The following ZBTB20 variants were observed in gnomAD, a reference collection of about 807,000 sequenced individuals.
The protein encoded by ZBTB20 is zinc finger and BTB domain-containing protein 20.
In ZBTB20, 9 loss-of-function variants were observed where a neutral mutation model predicts 56.9. The ratio of observed to expected loss-of-function variants is 0.16; its 90% CI spans 0.10 to 0.28. The LOEUF (loss-of-function observed/expected upper bound fraction) is 0.28, where lower values mean the gene tolerates loss of function less well. ZBTB20 is among the 10% of genes least tolerant of loss of function. The pLI, the probability that ZBTB20 is intolerant of heterozygous loss-of-function variation, is 1.00. For synonymous variants in ZBTB20, 417 were observed against 420.7 expected (o/e 0.99, Z 0.11); for missense variants, 655 against 1,003.0 (o/e 0.65, Z 4.69).
At chr3:114,853,899 T>A (rs554767632) in intron 4 of ZBTB20, among the ~76,000 whole-genome samples, 1 of 152,312 alleles carries the variant, frequency 6.6e-6, no homozygotes, top group Admixed American at 6.5e-5. Context: ...TTGTTTTCTA[T>A]AATAGAAGAG....
intron 2 of ZBTB20, among the ~76,000 whole-genome samples, chr3:115,026,528 A>G (rs1281221621): frequency 6.6e-6 from 1 of 150,890 alleles, no homozygotes; most frequent in Non-Finnish European, 1.5e-5. Context: ...TCACTTACGT[A>G]TCTACCAACC....
At chr3:114,619,706 C>T (rs139379122) in intron 6 of ZBTB20, among the ~76,000 whole-genome samples, 14 of 152,242 alleles carry the variant, frequency 9.2e-5, no homozygotes, top group African/African-American at 3.4e-4. Flanking sequence ...TAAGTGATTC[C>T]ACCTATTTCT....
chr3:114,590,469 A>C lies in ZBTB20; in HGVS notation c.-294-90078T>G, dbSNP rs1687773146. On this transcript the variant is annotated intron_variant, in intron 6 of 11. Coordinates refer to ENST00000675478, the MANE Select transcript of ZBTB20 (RefSeq NM_001348800.3). ...CTGAGACTCCGTCTCAAAAAATAAAAATAAATAAATAAATTTATTTATTAA... is the reference window on the plus strand; with the variant it reads ...CTGAGACTCCGTCTCAAAAAATAAACATAAATAAATAAATTTATTTATTAA... Among the ~76,000 whole-genome samples, 4 of 149,618 alleles carry C rather than the reference A, an allele frequency of 2.7e-5. No homozygotes were observed. In the South Asian group the frequency reaches 8.4e-4, roughly 31 times the overall value.
Position 114,909,351 on chromosome 3 carries a change from G to A in ZBTB20, c.-455-9009C>T, listed in dbSNP as rs567941022. 3.9e-5 allele frequency among the ~76,000 whole-genome samples: 6 copies of A among 152,118 alleles called. No homozygotes were observed. In the South Asian group the frequency reaches 1.2e-3, roughly 32 times the overall value. On this transcript the variant is annotated intron_variant, in intron 3 of 11. Coordinates refer to ENST00000675478, the MANE Select transcript of ZBTB20 (RefSeq NM_001348800.3). Reference sequence around the variant, plus strand: ...TTGTACAGCTATACAATTTATGTGAGCTTTAAACTAAGTGTTATTACAAAA... The same window carrying A: ...TTGTACAGCTATACAATTTATGTGAACTTTAAACTAAGTGTTATTACAAAA...
chr3:114,438,436 C>CAAAAAAAA (rs10689914), intron 7 of ZBTB20, among the ~76,000 whole-genome samples: 3 of 140,682 alleles, frequency 2.1e-5, no homozygotes, highest in Non-Finnish European at 1.6e-5. Flanking sequence ...CAAAAAAAAC[C>CAAAAAAAA]AAAAAAAAAC....
chr3:114,521,362 C>T (rs2046619518), intron 6 of ZBTB20, among the ~76,000 whole-genome samples: 1 of 152,208 alleles, frequency 6.6e-6, no homozygotes, highest in Middle Eastern at 3.4e-3. Flanking sequence ...TACGTCTATA[C>T]CCTACAAAGG....
chr3:114,722,355 G>A (rs572005850), intron 5 of ZBTB20, among the ~76,000 whole-genome samples: 1 of 152,214 alleles, frequency 6.6e-6, no homozygotes, highest in South Asian at 2.1e-4. Flanking sequence ...GCTCCCAAAG[G>A]CTGTTACCTC....
intron 6 of ZBTB20, among the ~76,000 whole-genome samples, chr3:114,632,817 T>G (rs991050269): frequency 2.0e-4 from 30 of 152,316 alleles, no homozygotes; most frequent in African/African-American, 7.2e-4. Flanking sequence ...CCTGAACTTT[T>G]CCTTCACAAG....
chr3:115,061,640 T>C (rs2082014126), intron 2 of ZBTB20, among the ~76,000 whole-genome samples: 2 of 152,186 alleles, frequency 1.3e-5, no homozygotes, highest in South Asian at 4.1e-4. Flanking sequence ...TGCCTCTATC[T>C]ATTCAGTCTG....
chr3:115,081,093 C>T (rs781603883), intron 1 of ZBTB20, among the ~76,000 whole-genome samples: 1 of 152,070 alleles, frequency 6.6e-6, no homozygotes, highest in African/African-American at 2.4e-5. Flanking sequence ...AAAACTGTTT[C>T]TAATTATGCT....
intron 7 of ZBTB20, among the ~76,000 whole-genome samples, chr3:114,479,470 A>G (rs921673359): frequency 2.0e-5 from 3 of 152,208 alleles, no homozygotes; most frequent in African/African-American, 7.2e-5. Context: ...TTGAGTGTAG[A>G]CACACATGTG....
chr3:114,694,597 G>C (rs958108934), intron 5 of ZBTB20, among the ~76,000 whole-genome samples: 10 of 151,808 alleles, frequency 6.6e-5, no homozygotes, highest in African/African-American at 9.7e-5. Context: ...ATAAACAAAA[G>C]AAGTCCAAAA....
intron 3 of ZBTB20, among the ~76,000 whole-genome samples, chr3:114,937,452 C>T (rs2107834432): frequency 6.6e-6 from 1 of 151,098 alleles, no homozygotes; most frequent in African/African-American, 2.4e-5. Context: ...GATGGAGTCT[C>T]GCTCTGTTGC....
chr3:114,789,171 A>T (rs1214364151), intron 5 of ZBTB20, among the ~76,000 whole-genome samples: 1 of 152,142 alleles, frequency 6.6e-6, no homozygotes, highest in African/African-American at 2.4e-5. Flanking sequence ...TTATCAACTT[A>T]TGTGTTCAAA....
At chr3:114,683,788 G>A (rs528663066) in intron 6 of ZBTB20, among the ~76,000 whole-genome samples, 2 of 152,072 alleles carry the variant, frequency 1.3e-5, no homozygotes, top group African/African-American at 4.8e-5. Context: ...AAGCATACTT[G>A]AGGTGGGAGT....
At chr3:115,065,428 C>T (rs2082172133) in intron 2 of ZBTB20, among the ~76,000 whole-genome samples, 1 of 152,138 alleles carries the variant, frequency 6.6e-6, no homozygotes, top group Non-Finnish European at 1.5e-5. Context: ...ATTCGGCTTT[C>T]CCATTTCTGC....
chr3:115,114,671 A>G (rs2083969868), intron 1 of ZBTB20, among the ~76,000 whole-genome samples: 1 of 152,166 alleles, frequency 6.6e-6, no homozygotes, highest in Non-Finnish European at 1.5e-5. Flanking sequence ...TTTTACAAAT[A>G]CATTGGTTTT....
chr3:114,824,102 G>A (rs576826864), intron 4 of ZBTB20, among the ~76,000 whole-genome samples: 34 of 152,048 alleles, frequency 2.2e-4, no homozygotes, highest in African/African-American at 7.5e-4. Context: ...TGAAAAATAA[G>A]TATATGCATT....
chr3:114,772,548 G>A (rs990693535), intron 5 of ZBTB20, among the ~76,000 whole-genome samples: 21 of 151,402 alleles, frequency 1.4e-4, no homozygotes, highest in African/African-American at 1.5e-4. Context: ...GTTTTCCCTC[G>A]CCCCTAGTTA....
Sources: gnomAD v4.1 joint callset for allele counts (sites outside exome capture counted in the v4.1 genomes callset) on GRCh38, gnomAD v4.1.1 for gene constraint, MANE v1.5 for transcripts, NCBI Gene and HGNC (gene_info 2026-07-23, HGNC 2026-07-21) for gene names.